PRR5: variants seen among roughly 807,000 people sequenced by gnomAD.
PRR5 encodes the protein proline rich 5, also known as proline-rich protein 5.
In PRR5, 25 loss-of-function variants were observed where a neutral mutation model predicts 30.6. The observed-to-expected ratio is 0.82, with a 90% CI of 0.60 to 1.14. The LOEUF is 1.14. Ranked by LOEUF, PRR5 falls within the 50% of genes most tolerant of loss-of-function variation. The pLI, the probability that PRR5 is intolerant of heterozygous loss-of-function variation, is 0.00. For synonymous variants in PRR5, 286 were observed against 247.1 expected (o/e 1.16, Z -1.48); for missense variants, 600 against 547.1 (o/e 1.10, Z -0.96).
intron 1 of PRR5, among the ~76,000 whole-genome samples, chr22:44,708,966 CAAAAAAAAAAAAAAAA>C (rs60854330): frequency 1.6e-5 from 1 of 64,422 alleles, no homozygotes; most frequent in Admixed American, 1.8e-4. Context: ...GACTCTGTCT[CAAAAAAAAAAAAAAAA>C]AAAAAAAAAA....
At chr22:44,725,984 T>C (rs2016013) in intron 3 of PRR5, among the ~76,000 whole-genome samples, 104,365 of 152,058 alleles carry the variant, frequency 0.69, 37,325 homozygotes, top group East Asian at 0.9. Context: ...CATTTCATAT[T>C]GGTGGCATAA....
intron 6 of PRR5, 30 bp from the exon 7 acceptor site, chr22:44,734,997 C>T (rs979368794): frequency 1.9e-6 from 3 of 1,594,188 alleles, no homozygotes; most frequent in Non-Finnish European, 2.6e-6. Flanking sequence ...GGGTGCATGA[C>T]CCCCTACCCC....
At chr22:44,710,468 C>T (rs1928020944) in intron 1 of PRR5, among the ~76,000 whole-genome samples, 1 of 152,182 alleles carries the variant, frequency 6.6e-6, no homozygotes, top group Admixed American at 6.5e-5. Flanking sequence ...CCACTCAAGC[C>T]CTCACCCAGA....
chr22:44,683,516 G>A (rs923506179), intron 1 of PRR5, among the ~76,000 whole-genome samples: 31 of 152,240 alleles, frequency 2.0e-4, no homozygotes, highest in Non-Finnish European at 4.1e-4. Flanking sequence ...AGCCCCCTTG[G>A]GGCCAGGGCC....
At chr22:44,709,777 A>G (rs1171901378) in intron 1 of PRR5, among the ~76,000 whole-genome samples, 1 of 152,126 alleles carries the variant, frequency 6.6e-6, no homozygotes, top group Non-Finnish European at 1.5e-5. Flanking sequence ...GCTTGAACCC[A>G]GGAGGCAGAG....
chr22:44,729,142 A>G (rs887779859), intron 4 of PRR5, among the ~76,000 whole-genome samples: 1 of 152,190 alleles, frequency 6.6e-6, no homozygotes, highest in Non-Finnish European at 1.5e-5. Context: ...GGTATGGGTC[A>G]CGTGACCCAG....
chr22:44,735,505 G>A (rs891754209), intron 7 of PRR5, among the ~76,000 whole-genome samples: 2 of 152,204 alleles, frequency 1.3e-5, no homozygotes, highest in Non-Finnish European at 2.9e-5. Flanking sequence ...TCCTGGCTCA[G>A]TTAGGGGACC....
At position 44,737,124 on chromosome 22, in the gene PRR5, G is replaced by C; in HGVS notation, c.1044G>C (p.Leu348=). The change falls in exon 8 of 8, where the codon CTG becomes CTC. Residue 348 remains leucine (L), a synonymous_variant. Coordinates refer to ENST00000336985, the MANE Select transcript of PRR5 (RefSeq NM_181333.4). ...TGCCCCGCTCCAGCCCGGAGAACCTGGTGGACCAGATCCTGGAGTCCGTGG... is the reference window on the plus strand; with the variant it reads ...TGCCCCGCTCCAGCCCGGAGAACCTCGTGGACCAGATCCTGGAGTCCGTGG... ...SSLPRSSPEN[L]VDQILESVDS... 1 of 1,612,524 alleles carries C rather than the reference G, an allele frequency of 6.2e-7. No individual in the cohort carries two copies. The highest frequency in any genetic ancestry group is 8.5e-7 in the Non-Finnish European group (1 of 1,180,002).
Position 44,731,920 on chromosome 22 carries a change from C to T in PRR5, c.414+99C>T, listed in dbSNP as rs900974203. The T allele has an allele frequency of 2.2e-5, 27 of 1,247,830 alleles. No homozygotes were observed. In the African/African-American group the frequency reaches 3.4e-4, roughly 16 times the overall value. 77.3% of individuals were successfully genotyped at this position (1,247,830 alleles called of 1,614,324 possible). On this transcript the variant is annotated intron_variant, in intron 5 of 7. Coordinates refer to ENST00000336985, the MANE Select transcript of PRR5 (RefSeq NM_181333.4). The stretch of plus-strand genomic sequence containing the variant: ...GGGCCGCCAGGCTTGGGGACACACA[C>T]ACCTGCTCTGCTCTGTGCTGCTCTC...
Position 44,735,017 on chromosome 22 carries a change from TCTC to T in PRR5, c.556-7_556-5del. On this transcript the variant is annotated splice_polypyrimidine_tract_variant and splice_region_variant and intron_variant, in intron 6 of 7. Coordinates refer to ENST00000336985, the MANE Select transcript of PRR5 (RefSeq NM_181333.4). ...CATGACCCCCTACCCCCTGCCCCAC[TCTC>T]CTGCAGGGGGTACATGAGTCCAGGG... 1 of 1,610,116 alleles carries T rather than the reference TCTC, an allele frequency of 6.2e-7. No homozygotes were observed. The highest frequency in any genetic ancestry group is 8.5e-7 in the Non-Finnish European group (1 of 1,177,898).
chr22:44,687,492 G>A (rs1438511703), intron 1 of PRR5, among the ~76,000 whole-genome samples: 1 of 152,188 alleles, frequency 6.6e-6, no homozygotes, highest in Non-Finnish European at 1.5e-5. Context: ...AGTCCCTCAG[G>A]AGAACTGCAC....
chr22:44,679,730 A>C (rs1924089383), intron 1 of PRR5: 3 of 1,284,178 alleles, frequency 2.3e-6, no homozygotes, highest in Non-Finnish European at 2.2e-6. Context: ...TAACAATAAT[A>C]GTAAGACTCA....
At chr22:44,696,479 T>C (rs1275290310) in intron 1 of PRR5, among the ~76,000 whole-genome samples, 2 of 152,110 alleles carry the variant, frequency 1.3e-5, no homozygotes, top group East Asian at 3.9e-4. Context: ...TGCAGGTGCA[T>C]GTGTGACGTC....
At chr22:44,722,736 C>A (rs1250244525) in intron 2 of PRR5, among the ~76,000 whole-genome samples, 1 of 152,164 alleles carries the variant, frequency 6.6e-6, no homozygotes. Flanking sequence ...GAGAGCTGAC[C>A]GGAGCAGGAA....
chr22:44,676,880 A>G (rs577338629), upstream of PRR5: 9 of 152,180 alleles, frequency 5.9e-5, no homozygotes, highest in Non-Finnish European at 1.2e-4. Context: ...CAGTGATAAA[A>G]TATTTATCAG....
At position 44,702,511 on chromosome 22, in the gene PRR5, C is replaced by T. The variant is rs1283808718; in HGVS notation, c.37C>T (p.Pro13Ser). 4.1e-6 allele frequency: 6 copies of T among 1,470,688 alleles called. No individual in the cohort carries two copies. The highest frequency in any genetic ancestry group is 5.4e-6 in the Non-Finnish European group (6 of 1,109,314). The allele number at this position is 1,470,688 out of a possible 1,614,324, so 91.1% of individuals were successfully genotyped here. ...TLRRLKFMSS[P>S]SLSDLGKREP... Reference sequence around the variant, plus strand: ...CCGCAGGTTGAAGTTCATGAGTTCGCCCAGCCTCAGTGACCTGGGCAAGAG... The same window carrying T: ...CCGCAGGTTGAAGTTCATGAGTTCGTCCAGCCTCAGTGACCTGGGCAAGAG... The change falls in exon 1 of 8, where the codon CCC becomes TCC. Residue 13 changes from proline to serine, a missense_variant. Physicochemically the swap from Pro to Ser is moderately conservative, Grantham distance 74 (BLOSUM62 -1). Transcript: ENST00000336985.
intron 4 of PRR5, among the ~76,000 whole-genome samples, chr22:44,727,900 G>C (rs1045280325): frequency 6.6e-6 from 1 of 152,246 alleles, no homozygotes; most frequent in Non-Finnish European, 1.5e-5. Context: ...TTCTGGGAAG[G>C]CTTCCTGGAG....
intron 1 of PRR5, among the ~76,000 whole-genome samples, chr22:44,708,966 CA>C (rs60854330): frequency 6.2e-3 from 398 of 64,400 alleles, no homozygotes; most frequent in Non-Finnish European, 0.011. Flanking sequence ...GACTCTGTCT[CA>C]AAAAAAAAAA....
intron 2 of PRR5, among the ~76,000 whole-genome samples, chr22:44,717,873 G>T (rs996938920): frequency 6.6e-6 from 1 of 151,744 alleles, no homozygotes; most frequent in Non-Finnish European, 1.5e-5. Flanking sequence ...GTGCCACCAC[G>T]ACCGGCTAAT....
Sources: gnomAD v4.1 joint callset for allele counts (sites outside exome capture counted in the v4.1 genomes callset) on GRCh38, gnomAD v4.1.1 for gene constraint, MANE v1.5 for transcripts, NCBI Gene and HGNC (gene_info 2026-07-23, HGNC 2026-07-21) for gene names.